The following SORCS3 variants were observed in gnomAD, a reference collection of about 807,000 sequenced individuals.
SORCS3 encodes the protein VPS10 domain-containing receptor SorCS3.
In SORCS3, 57 loss-of-function variants were observed where a neutral mutation model predicts 146.3. The observed-to-expected ratio is 0.39, with a 90% CI of 0.31 to 0.49. SORCS3 has a LOEUF of 0.49. Among genes scored for constraint, SORCS3 ranks in the 20% least tolerant of loss-of-function variants. The pLI is 0.92. For missense variants in SORCS3, 1,341 were observed against 1,575.5 expected, an observed-to-expected ratio of 0.85 and a Z score of 2.52; for synonymous variants, 653 against 618.5, an observed-to-expected ratio of 1.06 and a Z score of -0.83.
chr10:104,725,690 C>T (rs2016620565), intron 1 of SORCS3, among the ~76,000 whole-genome samples: 1 of 152,248 alleles, frequency 6.6e-6, no homozygotes, highest in South Asian at 2.1e-4. Flanking sequence ...TGACCCTCCC[C>T]CAGCCTCACT....
chr10:104,787,698 G>A (rs1333395728), intron 1 of SORCS3, among the ~76,000 whole-genome samples: 1 of 151,984 alleles, frequency 6.6e-6, no homozygotes, highest in Non-Finnish European at 1.5e-5. Context: ...CATAGCAGTT[G>A]GATTCAAAAG....
chr10:104,796,021 G>C (rs561854913), intron 1 of SORCS3, among the ~76,000 whole-genome samples: 1 of 152,208 alleles, frequency 6.6e-6, no homozygotes, highest in African/African-American at 2.4e-5. Flanking sequence ...GAGCTGTCAT[G>C]TGTCTTTGGC....
chr10:105,264,910 T>A lies in SORCS3; in HGVS notation c.*1536T>A, dbSNP rs984936113. 6 of 152,640 alleles carry A rather than the reference T, an allele frequency of 3.9e-5. No individual in the cohort carries two copies. The highest frequency in any genetic ancestry group is 1.4e-4 in the African/African-American group (6 of 41,450). The allele number at this position is 152,640 out of a possible 1,614,324, so 9.5% of individuals were successfully genotyped here. The stretch of plus-strand genomic sequence containing the variant: ...ATATATGGGAGGAAAGGCCACATTT[T>A]GTACCTGTTAATTTTTGTGGGATGT... On this transcript the variant is annotated 3_prime_UTR_variant, in exon 27 of 27. Coordinates refer to ENST00000369701, the MANE Select transcript of SORCS3 (RefSeq NM_014978.3).
At chr10:104,892,492 C>T (rs190967978) in intron 2 of SORCS3, among the ~76,000 whole-genome samples, 1 of 152,100 alleles carries the variant, frequency 6.6e-6, no homozygotes, top group Non-Finnish European at 1.5e-5. Context: ...GAGGCTGAGG[C>T]GGGCAGATCA....
chr10:105,043,194 A>G lies in SORCS3; in HGVS notation c.1028+66A>G, dbSNP rs1429925626. 28 of 1,365,726 alleles carry G rather than the reference A, an allele frequency of 2.1e-5. 1 individual carries two copies. In the South Asian group the frequency reaches 2.3e-4, roughly 11 times the overall value. 84.6% of individuals were successfully genotyped at this position (1,365,726 alleles called of 1,614,324 possible). On this transcript the variant is annotated intron_variant, in intron 5 of 26. Coordinates refer to ENST00000369701, the MANE Select transcript of SORCS3 (RefSeq NM_014978.3). ...ATTATCAAACAGCGTAGCACTCTAG[A>G]CAGCTCTGGACAGTTGCAGTTCTTG...
chr10:104,678,036 C>T (rs2015931335), intron 1 of SORCS3, among the ~76,000 whole-genome samples: 1 of 152,110 alleles, frequency 6.6e-6, no homozygotes, highest in Admixed American at 6.5e-5. Context: ...CTAGTAATGA[C>T]ATAATCCATG....
chr10:105,126,560 A>T (rs2055975439), intron 7 of SORCS3, among the ~76,000 whole-genome samples: 1 of 152,162 alleles, frequency 6.6e-6, no homozygotes. Flanking sequence ...ATTACATACA[A>T]CACTGTGGGT....
chr10:105,018,309 C>G (rs1282603353), intron 4 of SORCS3, among the ~76,000 whole-genome samples: 1 of 152,228 alleles, frequency 6.6e-6, no homozygotes, highest in East Asian at 1.9e-4. Context: ...TCCTCTAGCA[C>G]AAAGTCTTGG....
chr10:105,263,179 G>T, intron 26 of SORCS3, 131 bp from the exon 27 acceptor site: 1 of 724,392 alleles, frequency 1.4e-6, no homozygotes, highest in Non-Finnish European at 2.3e-6. Context: ...AACGATATCC[G>T]GGTGCCTTTT....
chr10:104,832,048 G>T (rs2018006372), intron 1 of SORCS3, among the ~76,000 whole-genome samples: 1 of 152,136 alleles, frequency 6.6e-6, no homozygotes, highest in Admixed American at 6.5e-5. Context: ...TACCCATTTT[G>T]TATTTCTTTT....
At chr10:104,985,690 G>C (rs777763503) in intron 4 of SORCS3, among the ~76,000 whole-genome samples, 1 of 152,132 alleles carries the variant, frequency 6.6e-6, no homozygotes, top group Middle Eastern at 3.4e-3. Flanking sequence ...TTTGATCCAC[G>C]GTCTGCACAG....
intron 2 of SORCS3, among the ~76,000 whole-genome samples, chr10:104,864,300 C>A (rs2018437103): frequency 6.6e-6 from 1 of 152,062 alleles, no homozygotes; most frequent in Non-Finnish European, 1.5e-5. Context: ...TAGGGGAGAG[C>A]TTAGTGTTAT....
intron 14 of SORCS3, among the ~76,000 whole-genome samples, chr10:105,189,078 A>G (rs1269781588): frequency 1.3e-5 from 2 of 152,232 alleles, no homozygotes; most frequent in Non-Finnish European, 2.9e-5. Flanking sequence ...ATTTATCTAC[A>G]TATGAATGTA....
intron 7 of SORCS3, among the ~76,000 whole-genome samples, chr10:105,128,252 A>G (rs1811448759): frequency 6.6e-6 from 1 of 152,178 alleles, no homozygotes; most frequent in Non-Finnish European, 1.5e-5. Flanking sequence ...AAGAAGTAGC[A>G]GTTGGCATTT....
chr10:105,034,387 AAT>A (rs2055291957), intron 4 of SORCS3, among the ~76,000 whole-genome samples: 1 of 152,194 alleles, frequency 6.6e-6, no homozygotes, highest in African/African-American at 2.4e-5. Context: ...AATGGGAACC[AAT>A]GTGGCTGGAA....
chr10:104,767,552 C>G (rs1360736550), intron 1 of SORCS3, among the ~76,000 whole-genome samples: 1 of 151,070 alleles, frequency 6.6e-6, no homozygotes, highest in Non-Finnish European at 1.5e-5. Flanking sequence ...GCCTTCTCCC[C>G]CTTCCCCCTT....
At chr10:104,831,095 G>T (rs2017995798) in intron 1 of SORCS3, among the ~76,000 whole-genome samples, 1 of 151,978 alleles carries the variant, frequency 6.6e-6, no homozygotes, top group South Asian at 2.1e-4. Context: ...TAAAGTGTTG[G>T]GATTATAGAT....
Position 104,647,963 on chromosome 10 carries a change from G to T in SORCS3, c.627+6009G>T, listed in dbSNP as rs954610922. Reference sequence around the variant, plus strand: ...ATGTGGCATTGTCCTAGAAACTGTGGGGTTGGTAGAAGTGTGATAGAGAGG... The same window carrying T: ...ATGTGGCATTGTCCTAGAAACTGTGTGGTTGGTAGAAGTGTGATAGAGAGG... On this transcript the variant is annotated intron_variant, in intron 1 of 26. Transcript: ENST00000369701. 5.3e-5 allele frequency among the ~76,000 whole-genome samples: 8 copies of T among 152,186 alleles called. 1 individual carries two copies. Among genetic ancestry groups the T allele is most frequent in the African/African-American group, 1.9e-4 (8 of 41,440 alleles).
Position 105,263,602 on chromosome 10 carries a change from T to G in SORCS3, c.*228T>G. 2.0e-6 allele frequency: 1 copy of G among 510,276 alleles called. No individual in the cohort carries two copies. Among genetic ancestry groups the G allele is most frequent in the Non-Finnish European group, 3.5e-6 (1 of 286,558 alleles). 31.6% of individuals were successfully genotyped at this position (510,276 alleles called of 1,614,324 possible). On this transcript the variant is annotated 3_prime_UTR_variant, in exon 27 of 27. Coordinates refer to ENST00000369701, the MANE Select transcript of SORCS3 (RefSeq NM_014978.3). ...ATTTGTGCTAAGAGCAAAGGATGCA[T>G]CTTCCCACAGCCTCCTCGCTTTACT...
Sources: gnomAD v4.1 joint callset for allele counts (sites outside exome capture counted in the v4.1 genomes callset) on GRCh38, gnomAD v4.1.1 for gene constraint, MANE v1.5 for transcripts, NCBI Gene and HGNC (gene_info 2026-07-23, HGNC 2026-07-21) for gene names.